The following DMC1 variants were observed in gnomAD, a reference collection of about 807,000 sequenced individuals.
The protein encoded by DMC1 is DNA meiotic recombinase 1.
A neutral mutation model predicts 50.1 loss-of-function variants in DMC1; 27 were observed. The ratio of observed to expected loss-of-function variants is 0.54; its 90% CI spans 0.40 to 0.74. The LOEUF (loss-of-function observed/expected upper bound fraction) is 0.74, where lower values mean the gene tolerates loss of function less well. Among genes scored for constraint, DMC1 ranks in the 30% least tolerant of loss-of-function variants. The pLI is 0.00. For missense variants in DMC1, 295 were observed against 420.2 expected (o/e 0.70, Z 2.60); for synonymous variants, 148 against 136.1 (o/e 1.09, Z -0.61).
downstream of DMC1, among the ~76,000 whole-genome samples, chr22:38,515,661 T>C (rs2089972081): frequency 6.6e-6 from 1 of 151,208 alleles, no homozygotes; most frequent in African/African-American, 2.4e-5. Context: ...TAGCCGGGTG[T>C]AGTGGCGGGC....
At chr22:38,510,122 T>C in the DMC1 span, among the ~76,000 whole-genome samples, 10 of 151,720 alleles carry the variant, frequency 6.6e-5, no homozygotes, top group East Asian at 1.9e-3. Context: ...GGCAGGAGAA[T>C]CGCTTGAATT....
At chr22:38,540,159 CTTCA>C (rs2090264835) in intron 8 of DMC1, among the ~76,000 whole-genome samples, 1 of 152,036 alleles carries the variant, frequency 6.6e-6, no homozygotes, top group Non-Finnish European at 1.5e-5. Context: ...TTTTCTCCTC[CTTCA>C]GTCTCCTGAG....
At chr22:38,540,476 T>TTTTAAGACCTAAAAA in intron 8 of DMC1, among the ~76,000 whole-genome samples, 1 of 152,242 alleles carries the variant, frequency 6.6e-6, no homozygotes, top group Non-Finnish European at 1.5e-5. Context: ...ACATTTTTTT[T>TTTTAAGACCTAAAAA]AGGTCTTTGG....
At chr22:38,542,373 A>G (rs2090291513) in intron 8 of DMC1, among the ~76,000 whole-genome samples, 2 of 152,176 alleles carry the variant, frequency 1.3e-5, no homozygotes, top group African/African-American at 4.8e-5. Flanking sequence ...TACAAAATCA[A>G]CATACAAAAA....
At chr22:38,569,330 A>G (rs1467186658) in intron 1 of DMC1, 1 of 152,126 alleles carries the variant, frequency 6.6e-6, no homozygotes, top group Non-Finnish European at 1.5e-5. Context: ...TGCGGTCCAA[A>G]TCATCATTTT....
intron 8 of DMC1, among the ~76,000 whole-genome samples, chr22:38,543,527 C>G (rs1213251870): frequency 1.3e-5 from 2 of 152,180 alleles, no homozygotes; most frequent in African/African-American, 4.8e-5. Context: ...TAGTGCCCAG[C>G]TGCCTGTAAA....
At chr22:38,538,444 T>C in intron 10 of DMC1, 35 bp from the exon 11 acceptor site, 2 of 1,610,338 alleles carry the variant, frequency 1.2e-6, no homozygotes, top group East Asian at 4.5e-5. Flanking sequence ...AACATGCATT[T>C]GGAAATTGAA....
At chr22:38,547,041 A>G (rs938931807) in intron 8 of DMC1, among the ~76,000 whole-genome samples, 8 of 152,240 alleles carry the variant, frequency 5.3e-5, no homozygotes, top group African/African-American at 1.9e-4. Context: ...TTAAATCTAA[A>G]TAACTGCTGA....
At chr22:38,555,495 CCTAT>C in intron 5 of DMC1, 86 bp from the exon 6 acceptor site, 1 of 864,448 alleles carries the variant, frequency 1.2e-6, no homozygotes, top group Non-Finnish European at 2.0e-6. Flanking sequence ...TAGTATCCTT[CCTAT>C]CTATGTATCT....
Position 38,534,311 on chromosome 22 carries a change from T to C in DMC1, c.836+3281A>G, listed in dbSNP as rs1569157302. On this transcript the variant is annotated intron_variant, in intron 12 of 13. Coordinates refer to ENST00000216024, the MANE Select transcript of DMC1 (RefSeq NM_007068.4). ...CTATGTAGAAGAACATCATTATTCT[T>C]AGAAGAGATATGCTGAAGTATTAAG... 2.0e-5 allele frequency among the ~76,000 whole-genome samples: 3 copies of C among 152,218 alleles called. No individual in the cohort carries two copies. In the East Asian group the frequency reaches 5.8e-4, roughly 29 times the overall value.
At chr22:38,517,494 A>G (rs1012078431), downstream of DMC1, among the ~76,000 whole-genome samples, 2 of 152,088 alleles carry the variant, frequency 1.3e-5, no homozygotes, top group Non-Finnish European at 2.9e-5. Flanking sequence ...GCTTGAACCC[A>G]GGAGGAGGAG....
intron 11 of DMC1, 132 bp downstream of exon 11, chr22:38,538,161 CAA>C: frequency 5.5e-6 from 4 of 722,308 alleles, no homozygotes; most frequent in South Asian, 1.7e-5. Flanking sequence ...AAAAAAAAAA[CAA>C]AGAGTTGTAT....
At chr22:38,559,808 A>G (rs2090506913) in intron 5 of DMC1, among the ~76,000 whole-genome samples, 1 of 152,036 alleles carries the variant, frequency 6.6e-6, no homozygotes, top group African/African-American at 2.4e-5. Context: ...TCATGGGATC[A>G]GGAGTTCAAG....
chr22:38,517,702 C>T (rs980253396), downstream of DMC1, among the ~76,000 whole-genome samples: 6 of 152,164 alleles, frequency 3.9e-5, no homozygotes, highest in African/African-American at 7.2e-5. Flanking sequence ...AAAAGTGTGC[C>T]TTTATATTTG....
At chr22:38,552,591 A>C in intron 7 of DMC1, 75 bp downstream of exon 7, 1 of 1,043,784 alleles carries the variant, frequency 9.6e-7, no homozygotes, top group Non-Finnish European at 1.5e-6. Context: ...GATTATTTAG[A>C]GTATCAGGCA....
At chr22:38,565,627 T>C (rs956409101) in intron 4 of DMC1, among the ~76,000 whole-genome samples, 56 of 152,234 alleles carry the variant, frequency 3.7e-4, no homozygotes, top group African/African-American at 1.3e-3. Flanking sequence ...CTGGGCTGCT[T>C]CAACAAAAGT....
intron 12 of DMC1, among the ~76,000 whole-genome samples, chr22:38,524,054 C>T (rs2090059727): frequency 1.3e-5 from 2 of 152,178 alleles, no homozygotes; most frequent in Non-Finnish European, 2.9e-5. Flanking sequence ...CTTCAGTAGT[C>T]TCCTTAAGCC....
In DMC1 at chr22:38,552,617, A is replaced by G. The variant is rs367586650; in HGVS notation, c.421+49T>C. On this transcript the variant is annotated intron_variant, in intron 7 of 13. Transcript: ENST00000216024. ...GTATCAGGCACATAGTAGATGTTTG[A>G]TAAGTAATAGCCATGATTATTATTG... 20 of 1,261,334 alleles carry G rather than the reference A, an allele frequency of 1.6e-5. No homozygotes were observed. In the African/African-American group the frequency reaches 2.9e-4, roughly 19 times the overall value. The allele number at this position is 1,261,334 out of a possible 1,614,324, so 78.1% of individuals were successfully genotyped here.
chr22:38,554,255 C>T (rs1444394312), intron 6 of DMC1, among the ~76,000 whole-genome samples: 1 of 152,102 alleles, frequency 6.6e-6, no homozygotes, highest in African/African-American at 2.4e-5. Flanking sequence ...GTGCCATCCC[C>T]TAGCTACCAG....
Sources: allele counts gnomAD v4.1 joint callset (sites outside exome capture counted in the v4.1 genomes callset), GRCh38; gene constraint gnomAD v4.1.1; transcripts MANE v1.5; gene names NCBI Gene and HGNC (gene_info 2026-07-23, HGNC 2026-07-21).